GPC5: variants seen among roughly 807,000 people sequenced by gnomAD.
GPC5 encodes the protein glypican-5.
GPC5 carries 47 observed loss-of-function variants against 53.9 expected under a neutral mutation model. The observed-to-expected ratio is 0.87, with a 90% CI of 0.69 to 1.11. GPC5 has a LOEUF of 1.11. Ranked by LOEUF, GPC5 falls within the 50% of genes most tolerant of loss-of-function variation. The probability of loss-of-function intolerance (pLI) is 0.00; values close to 1 mark genes in which losing one functional copy is unlikely to be tolerated. For missense variants in GPC5, 748 were observed against 713.1 expected (o/e 1.05, Z -0.56); for synonymous variants, 286 against 263.3 (o/e 1.09, Z -0.84).
intron 7 of GPC5, among the ~76,000 whole-genome samples, chr13:92,588,413 T>A (rs967164797): frequency 4.6e-5 from 7 of 152,010 alleles, no homozygotes; most frequent in African/African-American, 1.7e-4. Context: ...TGTGTTGCTC[T>A]CTGAAACAGA....
chr13:91,414,010 T>C (rs1878002839), intron 1 of GPC5, among the ~76,000 whole-genome samples: 1 of 152,122 alleles, frequency 6.6e-6, no homozygotes, highest in East Asian at 1.9e-4. Context: ...CATGATAGCG[T>C]ATTGGTTTTA....
chr13:92,036,851 A>G (rs1566406088), intron 6 of GPC5, among the ~76,000 whole-genome samples: 1 of 152,184 alleles, frequency 6.6e-6, no homozygotes, highest in Non-Finnish European at 1.5e-5. Context: ...TACCTTCAGT[A>G]TATAACCACC....
chr13:92,061,400 G>T (rs1368582435), intron 6 of GPC5, among the ~76,000 whole-genome samples: 1 of 151,928 alleles, frequency 6.6e-6, no homozygotes, highest in African/African-American at 2.4e-5. Context: ...TATAGAATTT[G>T]TTTTAGACAG....
chr13:91,534,318 T>G (rs923379112), intron 2 of GPC5, among the ~76,000 whole-genome samples: 1 of 152,320 alleles, frequency 6.6e-6, no homozygotes, highest in East Asian at 1.9e-4. Flanking sequence ...ACAATTGCAC[T>G]CTTTTTCCCT....
chr13:92,629,149 C>A (rs1244388399), intron 7 of GPC5, among the ~76,000 whole-genome samples: 1 of 152,154 alleles, frequency 6.6e-6, no homozygotes, highest in Non-Finnish European at 1.5e-5. Flanking sequence ...TCTGAAAGTA[C>A]CCTGAATTTC....
intron 7 of GPC5, among the ~76,000 whole-genome samples, chr13:92,210,087 C>T (rs1396775153): frequency 6.6e-6 from 1 of 152,048 alleles, no homozygotes; most frequent in Non-Finnish European, 1.5e-5. Flanking sequence ...ATCGGCCTTT[C>T]CCAGTCCACT....
rs145444444 is a variant in GPC5 at position 92,559,382 on chromosome 13, G to T, written c.1562-306900G>T. 2.4e-3 allele frequency among the ~76,000 whole-genome samples: 364 copies of T among 150,990 alleles called. 6 individuals carry two copies. The highest frequency in any genetic ancestry group is 0.018 in the Admixed American group (266 of 15,092). Reference sequence around the variant, plus strand: ...TGTGTGTGTGTGTTGGGGTGTGGGGGCGCGGGTGTACTATTTTCTGCATAC... The same window carrying T: ...TGTGTGTGTGTGTTGGGGTGTGGGGTCGCGGGTGTACTATTTTCTGCATAC... On this transcript the variant is annotated intron_variant, in intron 7 of 7. Transcript: ENST00000377067.
intron 7 of GPC5, among the ~76,000 whole-genome samples, chr13:92,446,056 ACTGT>A (rs747900171): frequency 4.6e-5 from 7 of 152,086 alleles, no homozygotes; most frequent in Non-Finnish European, 8.8e-5. Context: ...ATGTAACTGG[ACTGT>A]CTATCACCTC....
rs537926913 is a variant in GPC5, at chr13:92,359,639, A to G, written c.1561+214650A>G. On this transcript the variant is annotated intron_variant, in intron 7 of 7. Transcript: ENST00000377067. ...TGGTTCTGTAGGCTGTACAGGAAAC[A>G]TGGCTGGGGAGGCACTGGGAAACTT... Among the ~76,000 whole-genome samples the G allele has an allele frequency of 3.2e-4, 49 of 151,864 alleles. 2 individuals carry two copies. The highest frequency in any genetic ancestry group is 1.1e-3 in the African/African-American group (45 of 41,130).
intron 3 of GPC5, among the ~76,000 whole-genome samples, chr13:91,720,607 T>A (rs2036442682): frequency 6.6e-6 from 1 of 152,124 alleles, no homozygotes; most frequent in Non-Finnish European, 1.5e-5. Context: ...AACCACATTT[T>A]TGTACCTTGC....
rs74364957 is a variant in GPC5, at chr13:92,137,080, C to G, written c.1402-7750C>G. On this transcript the variant is annotated intron_variant, in intron 6 of 7. Coordinates refer to ENST00000377067, the MANE Select transcript of GPC5 (RefSeq NM_004466.6). ...AGTTGTTTTTTTTTTTCATCCTGTC[C>G]TCACTTTGTTGGTTTCTCAGTTTTA... Among the ~76,000 whole-genome samples the G allele has an allele frequency of 1.1e-3, 167 of 152,136 alleles. 2 individuals are homozygous for G. The East Asian group carries it at 0.03, about 27-fold the overall frequency.
chr13:92,682,036 T>C (rs1466959370), intron 7 of GPC5, among the ~76,000 whole-genome samples: 2 of 152,218 alleles, frequency 1.3e-5, no homozygotes, highest in Non-Finnish European at 2.9e-5. Context: ...TAGCCATTTG[T>C]ATCCCCAGTG....
At chr13:92,679,382 T>A (rs899239128) in intron 7 of GPC5, among the ~76,000 whole-genome samples, 2 of 152,142 alleles carry the variant, frequency 1.3e-5, no homozygotes, top group African/African-American at 4.8e-5. Context: ...GACCTATGCT[T>A]ATTAGCAGGA....
chr13:91,568,116 A>G (rs1326813723), intron 2 of GPC5, among the ~76,000 whole-genome samples: 1 of 152,158 alleles, frequency 6.6e-6, no homozygotes, highest in Non-Finnish European at 1.5e-5. Flanking sequence ...CCCACTAGCC[A>G]TGTGGAAGTA....
intron 7 of GPC5, among the ~76,000 whole-genome samples, chr13:92,424,811 TATTCATTCATTC>T (rs552617474): frequency 1.6e-4 from 13 of 82,740 alleles, no homozygotes; most frequent in South Asian, 4.3e-4. Context: ...AATATTCATC[TATTCATTCATTC>T]ATTCATTCAT....
intron 1 of GPC5, among the ~76,000 whole-genome samples, chr13:91,417,038 G>A (rs1241985235): frequency 3.3e-5 from 5 of 152,130 alleles, no homozygotes; most frequent in Admixed American, 6.6e-5. Flanking sequence ...TCTTGAAAAA[G>A]TGGATGGAAC....
chr13:91,448,998 C>G, intron 2 of GPC5, 76 bp downstream of exon 2: 1 of 1,459,538 alleles, frequency 6.9e-7, no homozygotes, highest in Non-Finnish European at 9.3e-7. Context: ...CGTTGGCAAA[C>G]TTGGCTGGGT....
At chr13:91,723,806 G>C (rs1008457692) in intron 3 of GPC5, among the ~76,000 whole-genome samples, 7 of 151,966 alleles carry the variant, frequency 4.6e-5, no homozygotes, top group Non-Finnish European at 7.4e-5. Flanking sequence ...CTGTTCCCTT[G>C]CCCATTAGTT....
At chr13:92,830,302 T>G (rs1878006671) in intron 7 of GPC5, among the ~76,000 whole-genome samples, 1 of 152,178 alleles carries the variant, frequency 6.6e-6, no homozygotes, top group African/African-American at 2.4e-5. Flanking sequence ...CTGGAAATAT[T>G]TGATGCATAT....
Sources: allele counts gnomAD v4.1 joint callset (sites outside exome capture counted in the v4.1 genomes callset), GRCh38; gene constraint gnomAD v4.1.1; transcripts MANE v1.5; gene names NCBI Gene and HGNC (gene_info 2026-07-23, HGNC 2026-07-21).